NUMB: variants seen among roughly 807,000 people sequenced by gnomAD.
The protein encoded by NUMB is NUMB endocytic adaptor protein.
Under a neutral mutation model 59.7 loss-of-function variants are expected in NUMB, and 29 were observed. The observed-to-expected ratio is 0.49, with a 90% CI of 0.36 to 0.66. The LOEUF (loss-of-function observed/expected upper bound fraction) is 0.66. Ranked by LOEUF, NUMB falls within the 30% of genes least tolerant of loss-of-function variation. The pLI is 0.00. For missense variants in NUMB, 723 were observed against 822.0 expected (o/e 0.88, Z 1.47); for synonymous variants, 288 against 288.2 (o/e 1.00, Z 0.01).
chr14:73,376,145 T>C (rs2140066957), intron 2 of NUMB, among the ~76,000 whole-genome samples: 1 of 152,260 alleles, frequency 6.6e-6, no homozygotes, highest in South Asian at 2.1e-4. Context: ...ACTTCCCATG[T>C]AGAAAACCTG....
intron 5 of NUMB, among the ~76,000 whole-genome samples, chr14:73,320,421 C>CAGGGT (rs1891342267): frequency 6.6e-6 from 1 of 152,120 alleles, no homozygotes; most frequent in Non-Finnish European, 1.5e-5. Context: ...TTTATAGAGA[C>CAGGGT]AGGGTCTCAC....
intron 4 of NUMB, among the ~76,000 whole-genome samples, chr14:73,349,795 C>T (rs1317178855): frequency 1.3e-5 from 2 of 151,956 alleles, no homozygotes; most frequent in South Asian, 2.1e-4. Flanking sequence ...AGGAGAATCG[C>T]GTGAACCCGG....
intron 6 of NUMB, among the ~76,000 whole-genome samples, chr14:73,305,049 G>A (rs1890348795): frequency 6.6e-6 from 1 of 152,206 alleles, no homozygotes; most frequent in Admixed American, 6.5e-5. Context: ...TTACAGGTGT[G>A]AGCTACCGCG....
chr14:73,441,179 T>C (rs1013459121), intron 1 of NUMB, among the ~76,000 whole-genome samples: 10 of 152,224 alleles, frequency 6.6e-5, no homozygotes, highest in African/African-American at 2.2e-4. Flanking sequence ...TCCAAGAAGA[T>C]AGACAAATGG....
rs869074049 is a variant in NUMB, at chr14:73,389,272, C to CAAAAAAAAA, written c.-101+20656_-101+20664dup. Among the ~76,000 whole-genome samples the CAAAAAAAAA allele has an allele frequency of 2.4e-3, 161 of 66,390 alleles. 2 individuals carry two copies. Among genetic ancestry groups the CAAAAAAAAA allele is most frequent in the African/African-American group, 4.6e-3 (79 of 17,102 alleles). The allele number at this position is 66,390 out of a possible 152,430, so 43.6% of individuals were successfully genotyped here. ...GGTTACAGAGCGAGACTCCATCTCT[C>CAAAAAAAAA]AAAAAAAAAAAAAAAAAAAAACAAA... On this transcript the variant is annotated intron_variant, in intron 2 of 12. Transcript: ENST00000555238.
At chr14:73,403,785 G>GTC (rs1329895576) in intron 2 of NUMB, among the ~76,000 whole-genome samples, 3 of 151,898 alleles carry the variant, frequency 2.0e-5, no homozygotes, top group Non-Finnish European at 4.4e-5. Context: ...GCAAAACCCT[G>GTC]TCTCTATTAA....
intron 4 of NUMB, among the ~76,000 whole-genome samples, chr14:73,335,175 C>A (rs911314512): frequency 1.3e-5 from 2 of 151,640 alleles, no homozygotes; most frequent in African/African-American, 4.8e-5. Flanking sequence ...GCTTTATGAT[C>A]TCTGAGTTAC....
intron 1 of NUMB, among the ~76,000 whole-genome samples, chr14:73,440,118 A>C (rs891771917): frequency 5.3e-5 from 8 of 152,180 alleles, no homozygotes; most frequent in Admixed American, 5.2e-4. Flanking sequence ...TAAAGCAGAA[A>C]ATTTTATTAA....
chr14:73,408,423 T>A (rs1896770903), intron 2 of NUMB, among the ~76,000 whole-genome samples: 1 of 152,038 alleles, frequency 6.6e-6, no homozygotes, highest in Non-Finnish European at 1.5e-5. Flanking sequence ...ATCAAATTAT[T>A]CAAACAAACA....
At chr14:73,405,215 C>T (rs1896600076) in intron 2 of NUMB, among the ~76,000 whole-genome samples, 1 of 152,078 alleles carries the variant, frequency 6.6e-6, no homozygotes, top group Non-Finnish European at 1.5e-5. Flanking sequence ...CCAGGGAAAT[C>T]AACAGAATTC....
At chr14:73,452,196 C>T (rs146127027) in intron 1 of NUMB, among the ~76,000 whole-genome samples, 1 of 152,240 alleles carries the variant, frequency 6.6e-6, no homozygotes, top group Admixed American at 6.5e-5. Flanking sequence ...CTCATCTCTA[C>T]TAAAAATGCA....
intron 1 of NUMB, among the ~76,000 whole-genome samples, chr14:73,453,753 G>A (rs900187454): frequency 1.3e-5 from 2 of 151,660 alleles, no homozygotes; most frequent in Non-Finnish European, 2.9e-5. Context: ...GACTACAGTC[G>A]CGTGCCACCA....
chr14:73,418,702 C>T (rs1897232304), intron 1 of NUMB, among the ~76,000 whole-genome samples: 1 of 151,754 alleles, frequency 6.6e-6, no homozygotes, highest in African/African-American at 2.4e-5. Flanking sequence ...ACCCGGGAGG[C>T]GGAGGTTGCA....
At chr14:73,335,645 A>G (rs1304379380) in intron 4 of NUMB, among the ~76,000 whole-genome samples, 1 of 152,222 alleles carries the variant, frequency 6.6e-6, no homozygotes, top group East Asian at 1.9e-4. Context: ...TCTTAGATGA[A>G]TTAAGTCATT....
chr14:73,418,488 T>C (rs1467560988), intron 1 of NUMB, among the ~76,000 whole-genome samples: 2 of 152,100 alleles, frequency 1.3e-5, no homozygotes, highest in Non-Finnish European at 2.9e-5. Context: ...AACAGTAAAT[T>C]TGGCCAGGCA....
intron 1 of NUMB, among the ~76,000 whole-genome samples, chr14:73,444,990 C>T (rs1351538921): frequency 6.6e-6 from 1 of 152,034 alleles, no homozygotes; most frequent in African/African-American, 2.4e-5. Flanking sequence ...TAAAGATACC[C>T]AATGCCAAGG....
chr14:73,293,738 C>T (rs1001839217), intron 7 of NUMB, among the ~76,000 whole-genome samples: 3 of 152,192 alleles, frequency 2.0e-5, no homozygotes, highest in Admixed American at 1.3e-4. Flanking sequence ...ATTTCTATCT[C>T]TTCATTCAAC....
chr14:73,450,014 C>T lies in NUMB; in HGVS notation c.-233+8479G>A, dbSNP rs141285511. On this transcript the variant is annotated intron_variant, in intron 1 of 12. Transcript: ENST00000555238. ...TAAAATACCTGTAATGTTTTAAAGT[C>T]GACTCTGGTTTTCCTAGCTGCCACA... is the stretch of plus-strand genomic sequence containing the variant. 3.8e-3 allele frequency among the ~76,000 whole-genome samples: 578 copies of T among 152,166 alleles called. 8 individuals are homozygous for T. Among genetic ancestry groups the T allele is most frequent in the African/African-American group, 0.013 (554 of 41,532 alleles).
intron 5 of NUMB, among the ~76,000 whole-genome samples, chr14:73,319,496 T>A (rs1015695057): frequency 6.6e-6 from 1 of 152,190 alleles, no homozygotes; most frequent in East Asian, 1.9e-4. Flanking sequence ...TCTTTAATCC[T>A]CTGCAGGCTT....
Sources: gnomAD v4.1 joint callset for allele counts (sites outside exome capture counted in the v4.1 genomes callset) on GRCh38, gnomAD v4.1.1 for gene constraint, MANE v1.5 for transcripts, NCBI Gene and HGNC (gene_info 2026-07-23, HGNC 2026-07-21) for gene names.